Variants in GALNTL6 observed in about 807,000 individuals in gnomAD.
GALNTL6 encodes polypeptide N-acetylgalactosaminyltransferase-like 6.
Under a neutral mutation model 73.7 loss-of-function variants are expected in GALNTL6, and 46 were observed. The ratio of observed to expected loss-of-function variants is 0.62; its 90% CI spans 0.49 to 0.80. The LOEUF (loss-of-function observed/expected upper bound fraction) is 0.80, where lower values mean the gene tolerates loss of function less well. Ranked by LOEUF, GALNTL6 falls within the 30% of genes least tolerant of loss-of-function variation. The pLI is 0.00. For synonymous variants in GALNTL6, 259 were observed against 263.7 expected, an observed-to-expected ratio of 0.98 and a Z score of 0.17; for missense variants, 604 against 755.0, an observed-to-expected ratio of 0.80 and a Z score of 2.34.
intron 5 of GALNTL6, among the ~76,000 whole-genome samples, chr4:172,598,109 A>T (rs113649650): frequency 0.031 from 4,734 of 152,198 alleles, 117 homozygotes; most frequent in South Asian, 0.085. Context: ...ATTGCATGAC[A>T]AAATGATCTC....
chr4:171,850,177 GGCC>G (rs1290701629), intron 2 of GALNTL6, among the ~76,000 whole-genome samples: 2 of 152,122 alleles, frequency 1.3e-5, no homozygotes, highest in Non-Finnish European at 2.9e-5. Context: ...TCACCATGCT[GGCC>G]AGGCTGTTCT....
chr4:172,757,632 T>C (rs1737826013), intron 5 of GALNTL6, among the ~76,000 whole-genome samples: 1 of 152,226 alleles, frequency 6.6e-6, no homozygotes, highest in Non-Finnish European at 1.5e-5. Flanking sequence ...TTCAAAATTA[T>C]GCAAACTCCA....
intron 2 of GALNTL6, among the ~76,000 whole-genome samples, chr4:172,043,099 G>C (rs1231238103): frequency 4.6e-5 from 7 of 151,796 alleles, no homozygotes; most frequent in African/African-American, 1.7e-4. Context: ...CTCATCATCA[G>C]GGCTTTGCAA....
chr4:172,007,189 C>A (rs777423618), intron 2 of GALNTL6, among the ~76,000 whole-genome samples: 6 of 151,936 alleles, frequency 3.9e-5, no homozygotes, highest in Non-Finnish European at 8.8e-5. Context: ...GTAATTAATT[C>A]ATTGATAGAA....
rs1225080471 is a variant in GALNTL6 at position 171,813,531 on chromosome 4, GCA to G, written c.-626_-625del. On this transcript the variant is annotated 5_prime_UTR_variant, in exon 1 of 13. Transcript: ENST00000506823. This position sits in a 1 kb window ranked among gnomAD's most constrained non-coding sequence, Gnocchi z 5.2. Reference sequence around the variant, plus strand: ...GCGCCCTCGTCCGCTTCCAAGCCCAGCACAGACTTCGGTTTCTCCGCCTCCAT... The same window carrying G: ...GCGCCCTCGTCCGCTTCCAAGCCCAGCAGACTTCGGTTTCTCCGCCTCCAT... 1.3e-5 allele frequency: 2 copies of G among 152,526 alleles called. No individual in the cohort carries two copies. The highest frequency in any genetic ancestry group is 2.9e-5 in the Non-Finnish European group (2 of 68,252). 9.4% of individuals were successfully genotyped at this position (152,526 alleles called of 1,614,324 possible).
chr4:172,486,675 A>G (rs1733681013), intron 5 of GALNTL6, among the ~76,000 whole-genome samples: 1 of 152,168 alleles, frequency 6.6e-6, no homozygotes. Context: ...CTGATTTTGC[A>G]TTTAAAACAG....
chr4:172,298,320 C>A (rs1295164086), intron 3 of GALNTL6, among the ~76,000 whole-genome samples: 1 of 152,168 alleles, frequency 6.6e-6, no homozygotes, highest in Non-Finnish European at 1.5e-5. Flanking sequence ...TCGACTTCCT[C>A]TTTTCCTAAT....
chr4:172,391,881 A>C (rs1743674521), intron 5 of GALNTL6, among the ~76,000 whole-genome samples: 1 of 152,224 alleles, frequency 6.6e-6, no homozygotes, highest in Non-Finnish European at 1.5e-5. Context: ...AAAGGAACTA[A>C]AATAAGTTCC....
At chr4:172,135,353 C>T (rs1309007644) in intron 2 of GALNTL6, among the ~76,000 whole-genome samples, 1 of 151,894 alleles carries the variant, frequency 6.6e-6, no homozygotes, top group Non-Finnish European at 1.5e-5. Flanking sequence ...GATTCATCTT[C>T]AAGACACTGA....
rs114464647 is a variant in GALNTL6, at chr4:171,918,491, T to G, written c.138+103773T>G. On this transcript the variant is annotated intron_variant, in intron 2 of 12. Coordinates refer to ENST00000506823, the MANE Select transcript of GALNTL6 (RefSeq NM_001034845.3). The stretch of plus-strand genomic sequence containing the variant: ...TAAGTGATATCAGATGGTTAAACAG[T>G]GTTACCGAGATCTTTCTCCCGGAAT... Among the ~76,000 whole-genome samples, 1,284 of 152,148 alleles carry G rather than the reference T, an allele frequency of 8.4e-3. 24 individuals carry two copies. The highest frequency in any genetic ancestry group is 0.029 in the African/African-American group (1,214 of 41,522).
intron 10 of GALNTL6, among the ~76,000 whole-genome samples, chr4:172,968,213 T>C (rs1362455206): frequency 6.6e-6 from 1 of 151,600 alleles, no homozygotes; most frequent in Admixed American, 6.6e-5. Flanking sequence ...GAAGAATTGG[T>C]AGAAAAGAAA....
At chr4:171,860,120 T>C (rs921511995) in intron 2 of GALNTL6, among the ~76,000 whole-genome samples, 1 of 152,198 alleles carries the variant, frequency 6.6e-6, no homozygotes, top group African/African-American at 2.4e-5. Context: ...AAATAATCCA[T>C]AATAATGTTT....
intron 2 of GALNTL6, among the ~76,000 whole-genome samples, chr4:171,999,989 A>G (rs933738747): frequency 1.3e-5 from 2 of 152,154 alleles, no homozygotes; most frequent in Admixed American, 6.6e-5. Context: ...TGGGAAAGTA[A>G]AAGTTTTCTT....
At chr4:172,326,412 G>C (rs1578957778) in intron 4 of GALNTL6, among the ~76,000 whole-genome samples, 1 of 151,900 alleles carries the variant, frequency 6.6e-6, no homozygotes, top group Non-Finnish European at 1.5e-5. Flanking sequence ...ATTTTGGATT[G>C]TTATGTCCTC....
intron 5 of GALNTL6, among the ~76,000 whole-genome samples, chr4:172,533,478 C>G (rs1393366572): frequency 4.0e-5 from 6 of 151,794 alleles, no homozygotes; most frequent in South Asian, 2.1e-4. Context: ...GTGAACGCCA[C>G]CACGCCTGGC....
At chr4:172,481,792 T>C (rs1473720970) in intron 5 of GALNTL6, among the ~76,000 whole-genome samples, 1 of 152,144 alleles carries the variant, frequency 6.6e-6, no homozygotes, top group Non-Finnish European at 1.5e-5. Flanking sequence ...GTTCTCCAAG[T>C]CCCCACCCAA....
rs534049073 is a variant in GALNTL6, at chr4:172,846,074, G to A, written c.923+32351G>A. 2.0e-5 allele frequency among the ~76,000 whole-genome samples: 3 copies of A among 152,260 alleles called. No homozygotes were observed. In the South Asian group the frequency reaches 6.2e-4, roughly 32 times the overall value. ...CCAATTTGTGATACATTTCTATTAA[G>A]CATGTCAAGTTACAAATAATCAAAT... On this transcript the variant is annotated intron_variant, in intron 7 of 12. Coordinates refer to ENST00000506823, the MANE Select transcript of GALNTL6 (RefSeq NM_001034845.3).
intron 2 of GALNTL6, among the ~76,000 whole-genome samples, chr4:172,002,360 G>C (rs545578916): frequency 6.6e-6 from 1 of 152,060 alleles, no homozygotes; most frequent in South Asian, 2.1e-4. Flanking sequence ...GAAATAGTGA[G>C]CACAGAGTGA....
chr4:172,792,970 T>G (rs906098157), intron 5 of GALNTL6, among the ~76,000 whole-genome samples: 6 of 152,174 alleles, frequency 3.9e-5, no homozygotes, highest in Non-Finnish European at 8.8e-5. Flanking sequence ...TTGTATGTCA[T>G]TTGTCTCAAT....
Sources: allele counts gnomAD v4.1 joint callset (sites outside exome capture counted in the v4.1 genomes callset), GRCh38; gene constraint gnomAD v4.1.1; non-coding constraint Gnocchi (gnomAD v3.1); transcripts MANE v1.5; gene names NCBI Gene and HGNC (gene_info 2026-07-23, HGNC 2026-07-21).